The following DNAH5 variants were observed in gnomAD, a reference collection of about 807,000 sequenced individuals.
The protein encoded by DNAH5 is axonemal beta dynein heavy chain 5.
DNAH5 carries 372 observed loss-of-function variants against 518.2 expected under a neutral mutation model. That is an observed-to-expected ratio of 0.72 (90% confidence interval 0.66 to 0.78). The LOEUF (loss-of-function observed/expected upper bound fraction) is 0.78. Among genes scored for constraint, DNAH5 ranks in the 30% least tolerant of loss-of-function variants. The probability of loss-of-function intolerance (pLI) is 0.00; values close to 1 mark genes in which losing one functional copy is unlikely to be tolerated. For synonymous variants in DNAH5, 2,039 were observed against 2,025.9 expected (o/e 1.01, Z -0.17); for missense variants, 5,523 against 5,687.0 (o/e 0.97, Z 0.93).
intron 42 of DNAH5, among the ~76,000 whole-genome samples, chr5:13,816,554 G>GAA (rs758831831): frequency 7.9e-5 from 9 of 113,668 alleles, no homozygotes; most frequent in Non-Finnish European, 1.3e-4. Flanking sequence ...GTGGAAAGGG[G>GAA]AAAAAAAAAA....
chr5:13,693,187 A>T (rs1245500862), intron 78 of DNAH5, among the ~76,000 whole-genome samples: 1 of 152,250 alleles, frequency 6.6e-6, no homozygotes, highest in Non-Finnish European at 1.5e-5. Flanking sequence ...ATTACAAAAA[A>T]ATTAAAAAAC....
chr5:13,805,692 C>T (rs6869099), intron 47 of DNAH5, among the ~76,000 whole-genome samples: 65,782 of 151,888 alleles, frequency 0.43, 14,630 homozygotes, highest in East Asian at 0.62. Flanking sequence ...TCCCAAACCT[C>T]GCCCTCTTTA....
chr5:13,878,598 G>C (rs1771222147), intron 21 of DNAH5, among the ~76,000 whole-genome samples: 1 of 152,150 alleles, frequency 6.6e-6, no homozygotes, highest in Non-Finnish European at 1.5e-5. Context: ...TTTCTGGAAG[G>C]AGCTACGACA....
chr5:13,760,281 C>T (rs1019450431), intron 60 of DNAH5, among the ~76,000 whole-genome samples: 17 of 152,136 alleles, frequency 1.1e-4, no homozygotes, highest in African/African-American at 3.9e-4. Context: ...ATCCTTCAAA[C>T]CCAATTAATT....
At chr5:13,723,397 A>T (rs187940161) in intron 70 of DNAH5, among the ~76,000 whole-genome samples, 49 of 152,340 alleles carry the variant, frequency 3.2e-4, no homozygotes, top group Non-Finnish European at 5.9e-4. Context: ...CCATCACTGC[A>T]TCTCTATAGT....
intron 47 of DNAH5, among the ~76,000 whole-genome samples, chr5:13,794,751 G>A (rs751366401): frequency 6.6e-6 from 1 of 152,126 alleles, no homozygotes; most frequent in Non-Finnish European, 1.5e-5. Flanking sequence ...AGATCACGAG[G>A]TCAGGAGATC....
intron 47 of DNAH5, among the ~76,000 whole-genome samples, 162 bp from the exon 48 acceptor site, chr5:13,794,220 T>A (rs1276908458): frequency 6.6e-6 from 1 of 152,234 alleles, no homozygotes; most frequent in African/African-American, 2.4e-5. Flanking sequence ...AGTACCTAAA[T>A]TATCTTGTAT....
In DNAH5 at chr5:13,919,395, G is replaced by A. The variant is rs374069425; in HGVS notation, c.799-43C>T. On this transcript the variant is annotated intron_variant, in intron 6 of 78. Coordinates refer to ENST00000265104, the MANE Select transcript of DNAH5 (RefSeq NM_001369.3). Reference sequence around the variant, plus strand: ...AAAACACGAGCCATTGCACGGGGCTGGAGACGCTAAAGTTATAAACAAGCA... The same window carrying A: ...AAAACACGAGCCATTGCACGGGGCTAGAGACGCTAAAGTTATAAACAAGCA... The A allele has an allele frequency of 4.7e-5, 75 of 1,606,766 alleles. No homozygotes were observed. In the East Asian group the frequency reaches 1.0e-3, roughly 22 times the overall value.
intron 21 of DNAH5, 114 bp from the exon 22 acceptor site, chr5:13,876,931 T>C (rs1770980207): frequency 1.9e-6 from 2 of 1,064,720 alleles, no homozygotes; most frequent in Admixed American, 2.4e-5. Context: ...TCTTCTCCTT[T>C]ATAAAAACAA....
intron 35 of DNAH5, among the ~76,000 whole-genome samples, chr5:13,835,869 G>A (rs1764316167): frequency 6.6e-6 from 1 of 152,124 alleles, no homozygotes; most frequent in African/African-American, 2.4e-5. Context: ...ATCGGCACAA[G>A]GCAAAGGACC....
rs576379803 is a variant in DNAH5, at chr5:13,793,863, A to AT, written c.8010+72dup. ...TTGAAAAAGTAAAAACTTAAAAAAA[A>AT]TTTTTAAAAACTCTTCTAAGAATAA... On this transcript the variant is annotated intron_variant, in intron 48 of 78. Coordinates refer to ENST00000265104, the MANE Select transcript of DNAH5 (RefSeq NM_001369.3). 3.3e-4 allele frequency: 513 copies of AT among 1,563,358 alleles called. 1 individual carries two copies. The African/African-American group carries it at 6.7e-3, about 20-fold the overall frequency.
In DNAH5 at chr5:13,867,599, T is replaced by C. The variant is rs371390652; in HGVS notation, c.4053+175A>G. Among the ~76,000 whole-genome samples, 5 of 148,180 alleles carry C rather than the reference T, an allele frequency of 3.4e-5. No individual in the cohort carries two copies. The East Asian group carries it at 7.8e-4, about 23-fold the overall frequency. ...TGTGAAAACAGACTAATAGAAACTC[T>C]AAGGGGAAAGAATTGTGAAAAAAAA... On this transcript the variant is annotated intron_variant, in intron 25 of 78. Transcript: ENST00000265104.
intron 12 of DNAH5, among the ~76,000 whole-genome samples, chr5:13,909,458 AC>A (rs1775725404): frequency 6.6e-6 from 1 of 152,030 alleles, no homozygotes; most frequent in Admixed American, 6.5e-5. Flanking sequence ...GAAAAATATA[AC>A]CACACAAACA....
chr5:13,940,142 A>G (rs1051059541), intron 1 of DNAH5, among the ~76,000 whole-genome samples: 1 of 151,846 alleles, frequency 6.6e-6, no homozygotes, highest in Non-Finnish European at 1.5e-5. Flanking sequence ...ACCAACCCCA[A>G]ATCTGCTGTA....
chr5:13,823,916 T>G (rs1032826725), intron 39 of DNAH5, among the ~76,000 whole-genome samples: 7 of 152,140 alleles, frequency 4.6e-5, no homozygotes, highest in African/African-American at 1.7e-4. Context: ...GAGATTTGAG[T>G]TCTAAAACAC....
intron 1 of DNAH5, among the ~76,000 whole-genome samples, chr5:14,005,706 G>C (rs1784680672): frequency 6.6e-6 from 1 of 152,184 alleles, no homozygotes; most frequent in African/African-American, 2.4e-5. Flanking sequence ...CTTATATTCT[G>C]GAGTTTGCAT....
chr5:13,815,504 G>C (rs962599144), intron 42 of DNAH5, among the ~76,000 whole-genome samples: 16 of 152,340 alleles, frequency 1.1e-4, no homozygotes, highest in Middle Eastern at 3.4e-3. Flanking sequence ...GAAATCAGCA[G>C]ACTGCAACCA....
At chr5:13,844,270 T>C (rs1458799742) in intron 32 of DNAH5, among the ~76,000 whole-genome samples, 1 of 152,184 alleles carries the variant, frequency 6.6e-6, no homozygotes, top group Non-Finnish European at 1.5e-5. Flanking sequence ...AGAGGGAAAC[T>C]GAATACAATA....
chr5:13,828,655 G>A (rs1763233916), intron 38 of DNAH5, among the ~76,000 whole-genome samples: 1 of 152,182 alleles, frequency 6.6e-6, no homozygotes, highest in Non-Finnish European at 1.5e-5. Flanking sequence ...GTCATGTTGG[G>A]GAAACCCATA....
Sources: gnomAD v4.1 joint callset for allele counts (sites outside exome capture counted in the v4.1 genomes callset) on GRCh38, gnomAD v4.1.1 for gene constraint, MANE v1.5 for transcripts, NCBI Gene and HGNC (gene_info 2026-07-23, HGNC 2026-07-21) for gene names.